Variants in METTL21A observed in about 807,000 individuals in gnomAD.
METTL21A encodes the protein methyltransferase 21A, HSPA lysine, also known as protein N-lysine methyltransferase METTL21A.
Under a neutral mutation model 20.9 loss-of-function variants are expected in METTL21A, and 22 were observed. That is an observed-to-expected ratio of 1.05 (90% confidence interval 0.75 to 1.50). METTL21A has a LOEUF of 1.50. METTL21A is among the 40% of genes most tolerant of loss of function. The pLI is 0.00. For synonymous variants in METTL21A, 93 were observed against 102.0 expected (o/e 0.91, Z 0.53); for missense variants, 271 against 266.8 (o/e 1.02, Z -0.11).
downstream of METTL21A, chr2:207,612,120 A>C (rs1437028172): frequency 1.3e-5 from 1 of 79,920 alleles, no homozygotes; most frequent in Non-Finnish European, 2.2e-5. Context: ...TTTTTTTGAG[A>C]TGGAGTCTCG....
intron 3 of METTL21A, among the ~76,000 whole-genome samples, chr2:207,591,904 G>A (rs2085113965): frequency 6.6e-6 from 1 of 152,024 alleles, no homozygotes; most frequent in South Asian, 2.1e-4. Flanking sequence ...GGCACAAGTA[G>A]AAATTTTTAA....
At chr2:207,595,091 G>A (rs2085871253) in intron 3 of METTL21A, among the ~76,000 whole-genome samples, 1 of 150,970 alleles carries the variant, frequency 6.6e-6, no homozygotes, top group Non-Finnish European at 1.5e-5. Context: ...TGCCTCCCGG[G>A]TTTAAGTGAT....
chr2:207,616,955 A>G (rs1198242718), intron 3 of METTL21A, among the ~76,000 whole-genome samples: 1 of 152,228 alleles, frequency 6.6e-6, no homozygotes, highest in Non-Finnish European at 1.5e-5. Context: ...CTTGTTTTGA[A>G]GCAAGGAAAG....
intron 3 of METTL21A, among the ~76,000 whole-genome samples, chr2:207,586,757 T>A (rs1455361271): frequency 6.6e-6 from 1 of 152,174 alleles, no homozygotes; most frequent in Non-Finnish European, 1.5e-5. Flanking sequence ...GAATAGACAT[T>A]TCTCAAAAGA....
At chr2:207,618,412 G>A (rs745781924) in intron 3 of METTL21A, among the ~76,000 whole-genome samples, 1 of 152,106 alleles carries the variant, frequency 6.6e-6, no homozygotes, top group Non-Finnish European at 1.5e-5. Context: ...TACACAGTAA[G>A]AGATAAACAA....
downstream of METTL21A, among the ~76,000 whole-genome samples, chr2:207,604,958 T>C (rs1317072340): frequency 6.6e-6 from 1 of 152,244 alleles, no homozygotes; most frequent in African/African-American, 2.4e-5. Flanking sequence ...ATTGTAGATA[T>C]ATACCACAAG....
intron 3 of METTL21A, chr2:207,582,789 C>T (rs1399460702): frequency 1.1e-5 from 3 of 264,172 alleles, no homozygotes; most frequent in African/African-American, 4.7e-5. Flanking sequence ...GCTACTCAGG[C>T]GGCTGAGGCA....
At chr2:207,590,329 G>A (rs1400506846) in intron 3 of METTL21A, among the ~76,000 whole-genome samples, 2 of 151,056 alleles carry the variant, frequency 1.3e-5, no homozygotes, top group South Asian at 2.1e-4. Flanking sequence ...CTCTGTATTC[G>A]CCACCCCTAC....
intron 3 of METTL21A, chr2:207,582,765 C>A: frequency 4.9e-6 from 1 of 205,336 alleles, no homozygotes; most frequent in Non-Finnish European, 1.0e-5. Flanking sequence ...TGGTGGTGCA[C>A]GCTTGTAATC....
downstream of METTL21A, among the ~76,000 whole-genome samples, chr2:207,606,392 G>A (rs1481186148): frequency 6.6e-6 from 1 of 152,210 alleles, no homozygotes; most frequent in Admixed American, 6.5e-5. Context: ...TGAGGCAGGA[G>A]AATCACTTGA....
intron 3 of METTL21A, among the ~76,000 whole-genome samples, chr2:207,619,580 T>G (rs903767612): frequency 6.6e-5 from 10 of 152,198 alleles, no homozygotes; most frequent in African/African-American, 1.2e-4. Flanking sequence ...TATAGGTGTG[T>G]GTATACGGAT....
At chr2:207,624,783 G>A (rs2090935993) in intron 1 of METTL21A, 1 of 152,724 alleles carries the variant, frequency 6.5e-6, no homozygotes, top group South Asian at 2.1e-4. Flanking sequence ...CGGGCGCCCG[G>A]ACTGCAGCTG....
chr2:207,605,526 TA>T (rs374747042), downstream of METTL21A, among the ~76,000 whole-genome samples: 9 of 152,024 alleles, frequency 5.9e-5, no homozygotes, highest in Admixed American at 1.3e-4. Context: ...TGTACACTTC[TA>T]AAAAAAAGAA....
intron 3 of METTL21A, among the ~76,000 whole-genome samples, chr2:207,585,761 T>C (rs1393528135): frequency 1.3e-5 from 2 of 152,140 alleles, no homozygotes; most frequent in African/African-American, 2.4e-5. Flanking sequence ...CTGAAGAATT[T>C]AATAAATAAA....
At position 207,587,246 on chromosome 2, in the gene METTL21A, A is replaced by G. The variant is rs527664719; in HGVS notation, c.260-5086T>C. On this transcript the variant is annotated intron_variant, in intron 3 of 3. Transcript: ENST00000425132. The stretch of plus-strand genomic sequence containing the variant: ...TTCTTTACTAAAAATCCAAAAATTC[A>G]GCCAGGCATGGTGGCGGGTGCCTGT... 1.4e-4 allele frequency among the ~76,000 whole-genome samples: 21 copies of G among 152,104 alleles called. No homozygotes were observed. In the South Asian group the frequency reaches 4.4e-3, roughly 32 times the overall value.
chr2:207,603,164 A>T (rs2087394710), intron 3 of METTL21A: 2 of 211,676 alleles, frequency 9.4e-6, no homozygotes, highest in Non-Finnish European at 1.9e-5. Flanking sequence ...CCCTGTTTTA[A>T]TTTTTTTATC....
intron 1 of METTL21A, 134 bp from the exon 2 acceptor site, chr2:207,624,538 C>A: frequency 1.3e-6 from 1 of 770,764 alleles, no homozygotes; most frequent in Non-Finnish European, 1.9e-6. Context: ...AGCCTTTGTC[C>A]AATTTCTTTT....
chr2:207,589,180 C>T (rs1441069399), intron 3 of METTL21A, among the ~76,000 whole-genome samples: 2 of 152,114 alleles, frequency 1.3e-5, no homozygotes, highest in Non-Finnish European at 2.9e-5. Context: ...AGATCAGAGG[C>T]CTTCATTGGA....
At chr2:207,595,817 C>T (rs2086044700) in intron 3 of METTL21A, among the ~76,000 whole-genome samples, 2 of 152,186 alleles carry the variant, frequency 1.3e-5, no homozygotes, top group African/African-American at 4.8e-5. Context: ...GATTCTCCCA[C>T]CTCAGCCTCC....
Sources: allele counts gnomAD v4.1 joint callset (sites outside exome capture counted in the v4.1 genomes callset), GRCh38; gene constraint gnomAD v4.1.1; transcripts MANE v1.5; gene names NCBI Gene and HGNC (gene_info 2026-07-23, HGNC 2026-07-21).